GLYATL1B: variants seen among roughly 807,000 people sequenced by gnomAD.
The protein encoded by GLYATL1B is glycine-N-acyltransferase like 1B, also known as putative glycine N-acyltransferase-like protein 1B.
A neutral mutation model predicts 5.5 loss-of-function variants in GLYATL1B; 6 were observed. That is an observed-to-expected ratio of 1.09 (90% confidence interval 0.60 to 2.15). The LOEUF is 2.15. Ranked by LOEUF, GLYATL1B falls within the 30% of genes most tolerant of loss-of-function variation. The pLI, the probability that GLYATL1B is intolerant of heterozygous loss-of-function variation, is 0.00. For synonymous variants in GLYATL1B, 67 were observed against 34.9 expected (o/e 1.92, Z -3.24); for missense variants, 135 against 94.1 (o/e 1.43, Z -1.80).
intron 2 of GLYATL1B, among the ~76,000 whole-genome samples, chr11:59,091,840 A>G (rs547871351): frequency 6.6e-6 from 1 of 152,314 alleles, no homozygotes; most frequent in African/African-American, 2.4e-5. Context: ...CATTGGATAA[A>G]AAAACTTGGT....
At chr11:59,088,348 C>T (rs1859234709) in intron 2 of GLYATL1B, among the ~76,000 whole-genome samples, 1 of 152,066 alleles carries the variant, frequency 6.6e-6, no homozygotes. Context: ...TAAAGACTTC[C>T]CCTTTTTGTG....
chr11:59,087,739 C>G (rs745673797), intron 2 of GLYATL1B, among the ~76,000 whole-genome samples: 2 of 152,094 alleles, frequency 1.3e-5, no homozygotes, highest in Non-Finnish European at 2.9e-5. Flanking sequence ...CCTAGATACT[C>G]AGGAGATGGA....
chr11:59,087,599 C>T (rs1034582254), intron 2 of GLYATL1B, among the ~76,000 whole-genome samples: 4 of 152,116 alleles, frequency 2.6e-5, no homozygotes, highest in Non-Finnish European at 5.9e-5. Context: ...AATCCCAGCA[C>T]TTTGGGAGGC....
chr11:59,088,267 G>T (rs1359116645), intron 2 of GLYATL1B, among the ~76,000 whole-genome samples: 1 of 152,160 alleles, frequency 6.6e-6, no homozygotes, highest in Non-Finnish European at 1.5e-5. Context: ...AGCCATTATT[G>T]GCCGAGGACA....
At chr11:59,090,511 T>A (rs1355127198) in intron 2 of GLYATL1B, among the ~76,000 whole-genome samples, 1 of 151,982 alleles carries the variant, frequency 6.6e-6, no homozygotes, top group Non-Finnish European at 1.5e-5. Flanking sequence ...TCCATTAAGT[T>A]TACCCTTAGG....
intron 2 of GLYATL1B, 138 bp from the exon 3 acceptor site, chr11:59,093,391 A>T (rs1565177987): frequency 2.6e-6 from 1 of 382,282 alleles, no homozygotes; most frequent in Non-Finnish European, 4.7e-6. Context: ...CACTTATATT[A>T]TCCACGTGCC....
Sources: gnomAD v4.1 joint callset for allele counts (sites outside exome capture counted in the v4.1 genomes callset) on GRCh38, gnomAD v4.1.1 for gene constraint, MANE v1.5 for transcripts, NCBI Gene and HGNC (gene_info 2026-07-23, HGNC 2026-07-21) for gene names.